Variants in PPM1E observed in about 807,000 individuals in gnomAD.
The protein encoded by PPM1E is protein phosphatase 1E.
A neutral mutation model predicts 65.9 loss-of-function variants in PPM1E; 20 were observed. The observed-to-expected ratio is 0.30, with a 90% CI of 0.21 to 0.44. The LOEUF is 0.44. Ranked by LOEUF, PPM1E falls within the 20% of genes least tolerant of loss-of-function variation. The probability of loss-of-function intolerance (pLI) is 1.00; values close to 1 mark genes in which losing one functional copy is unlikely to be tolerated. For synonymous variants in PPM1E, 352 were observed against 374.9 expected, an observed-to-expected ratio of 0.94 and a Z score of 0.70; for missense variants, 713 against 953.1, an observed-to-expected ratio of 0.75 and a Z score of 3.32.
At chr17:58,785,458 T>TATATATATATATATATA (rs2050089464) in intron 1 of PPM1E, 2 of 88,990 alleles carry the variant, frequency 2.2e-5, no homozygotes, top group Non-Finnish European at 4.1e-5. Flanking sequence ...CCTGGCTAAT[T>TATATATATATATATATA]TATATATATA....
At chr17:58,851,067 C>A (rs9893386) in intron 1 of PPM1E, among the ~76,000 whole-genome samples, 1 of 152,058 alleles carries the variant, frequency 6.6e-6, no homozygotes, top group Non-Finnish European at 1.5e-5. Flanking sequence ...TTGATCAAAT[C>A]GGCTACCGAA....
intron 1 of PPM1E, among the ~76,000 whole-genome samples, chr17:58,768,206 C>G (rs1384032664): frequency 6.6e-6 from 1 of 152,114 alleles, no homozygotes; most frequent in African/African-American, 2.4e-5. Flanking sequence ...CCCGCCTCAG[C>G]CTCTGAAAGT....
Position 58,813,807 on chromosome 17 carries a change from T to C in PPM1E, c.464+57346T>C, listed in dbSNP as rs570169415. Among the ~76,000 whole-genome samples the C allele has an allele frequency of 5.9e-5, 9 of 152,342 alleles. No individual in the cohort carries two copies. The South Asian group carries it at 1.9e-3, about 32-fold the overall frequency. ...GAGTTTCTGGCTTTCCTCTTGCCTTTTTGAGAAGTAGACATATGTACTGGA... is the reference window on the plus strand; with the variant it reads ...GAGTTTCTGGCTTTCCTCTTGCCTTCTTGAGAAGTAGACATATGTACTGGA... On this transcript the variant is annotated intron_variant, in intron 1 of 6. Coordinates refer to ENST00000308249, the MANE Select transcript of PPM1E (RefSeq NM_014906.5).
intron 1 of PPM1E, among the ~76,000 whole-genome samples, chr17:58,864,524 C>T (rs2050977862): frequency 6.6e-6 from 1 of 152,090 alleles, no homozygotes; most frequent in Non-Finnish European, 1.5e-5. Flanking sequence ...CCTGTAAGTC[C>T]AGCTTCTCAG....
chr17:58,789,893 G>A (rs1479785819), intron 1 of PPM1E, among the ~76,000 whole-genome samples: 3 of 152,084 alleles, frequency 2.0e-5, no homozygotes, highest in African/African-American at 7.2e-5. Context: ...AATTTTGTAG[G>A]CTTTGGTTGT....
At chr17:58,825,058 A>T (rs1293353422) in intron 1 of PPM1E, among the ~76,000 whole-genome samples, 1 of 152,012 alleles carries the variant, frequency 6.6e-6, no homozygotes, top group Non-Finnish European at 1.5e-5. Flanking sequence ...AAAAGACTAC[A>T]AATATGGAGC....
At chr17:58,972,647 G>A (rs571470979) in intron 5 of PPM1E, among the ~76,000 whole-genome samples, 185 bp from the exon 6 acceptor site, 2 of 152,278 alleles carry the variant, frequency 1.3e-5, no homozygotes, top group African/African-American at 2.4e-5. Context: ...CACCGCGCCC[G>A]GCCAGGATTC....
At chr17:58,968,340 C>T (rs1214020778) in intron 3 of PPM1E, among the ~76,000 whole-genome samples, 1 of 152,132 alleles carries the variant, frequency 6.6e-6, no homozygotes, top group South Asian at 2.1e-4. Context: ...CGGGATGATC[C>T]TTTGAGCCCA....
At chr17:58,903,631 A>G (rs2051522545) in intron 1 of PPM1E, among the ~76,000 whole-genome samples, 1 of 152,202 alleles carries the variant, frequency 6.6e-6, no homozygotes, top group Non-Finnish European at 1.5e-5. Flanking sequence ...ACTGACATGC[A>G]CACCCACAGA....
intron 1 of PPM1E, among the ~76,000 whole-genome samples, chr17:58,860,849 A>T (rs1286183710): frequency 6.6e-6 from 1 of 152,100 alleles, no homozygotes; most frequent in Non-Finnish European, 1.5e-5. Context: ...AGGCAGGGGA[A>T]TTGCTTGAAC....
intron 1 of PPM1E, among the ~76,000 whole-genome samples, chr17:58,817,877 G>A (rs546115720): frequency 2.0e-5 from 3 of 151,826 alleles, no homozygotes; most frequent in East Asian, 1.9e-4. Flanking sequence ...TCAGCCTCCC[G>A]AGTAGCTGGG....
chr17:58,973,006 G>A, intron 6 of PPM1E, 81 bp downstream of exon 6: 1 of 870,888 alleles, frequency 1.1e-6, no homozygotes, highest in South Asian at 1.6e-5. Flanking sequence ...CAGGGAACCT[G>A]AGATGATAAT....
intron 1 of PPM1E, among the ~76,000 whole-genome samples, chr17:58,948,687 T>A (rs886611674): frequency 2.1e-4 from 32 of 152,220 alleles, no homozygotes; most frequent in African/African-American, 7.7e-4. Flanking sequence ...TTTGGCTGAG[T>A]CCCATAGGTT....
intron 2 of PPM1E, among the ~76,000 whole-genome samples, chr17:58,956,205 G>A (rs1015624257): frequency 1.3e-5 from 2 of 152,238 alleles, no homozygotes; most frequent in East Asian, 1.9e-4. Flanking sequence ...AGGCTGAGGT[G>A]GGCAGATCAC....
intron 1 of PPM1E, among the ~76,000 whole-genome samples, chr17:58,815,089 C>T (rs2050402869): frequency 3.3e-5 from 5 of 152,054 alleles, no homozygotes; most frequent in Admixed American, 3.3e-4. Context: ...AACTTTTGCC[C>T]TCTATTTACT....
Position 58,827,130 on chromosome 17 carries a change from A to G in PPM1E, c.464+70669A>G, listed in dbSNP as rs1327017118. Among the ~76,000 whole-genome samples the G allele has an allele frequency of 3.0e-5, 4 of 134,762 alleles. No homozygotes were observed. The East Asian group carries it at 6.5e-4, about 22-fold the overall frequency. The allele number at this position is 134,762 out of a possible 152,430, so 88.4% of individuals were successfully genotyped here. On this transcript the variant is annotated intron_variant, in intron 1 of 6. Coordinates refer to ENST00000308249, the MANE Select transcript of PPM1E (RefSeq NM_014906.5). The stretch of plus-strand genomic sequence containing the variant: ...AAAGCCTGCATTCAGCTTTAAGTCC[A>G]TGATCTTTTTTTTTTTTTTTTTTTT...
At chr17:58,822,321 TTTATTTTTA>T (rs1480961924) in intron 1 of PPM1E, among the ~76,000 whole-genome samples, 1 of 139,080 alleles carries the variant, frequency 7.2e-6, no homozygotes, top group Non-Finnish European at 1.5e-5. Context: ...TAAGTCTGAA[TTTATTTTTA>T]TTTATTTATT....
intron 1 of PPM1E, among the ~76,000 whole-genome samples, chr17:58,808,636 A>G (rs78071700): frequency 0.012 from 1,858 of 152,264 alleles, 15 homozygotes; most frequent in Middle Eastern, 0.037. Context: ...AAACAGCTTT[A>G]TTGAGGTACA....
intron 1 of PPM1E, among the ~76,000 whole-genome samples, chr17:58,907,689 T>G (rs1260441253): frequency 6.6e-6 from 1 of 152,226 alleles, no homozygotes; most frequent in Admixed American, 6.5e-5. Context: ...AACACACACT[T>G]AAAGGATTAT....
Sources: allele counts gnomAD v4.1 joint callset (sites outside exome capture counted in the v4.1 genomes callset), GRCh38; gene constraint gnomAD v4.1.1; transcripts MANE v1.5; gene names NCBI Gene and HGNC (gene_info 2026-07-23, HGNC 2026-07-21).